Variants in PHLDB2 observed in about 807,000 individuals in gnomAD.
PHLDB2 encodes pleckstrin homology like domain family B member 2, also known as pleckstrin homology-like domain family B member 2.
PHLDB2 carries 71 observed loss-of-function variants against 123.6 expected under a neutral mutation model. The ratio of observed to expected loss-of-function variants is 0.57; its 90% confidence interval spans 0.47 to 0.70. PHLDB2 has a LOEUF of 0.70. Ranked by LOEUF, PHLDB2 falls within the 30% of genes least tolerant of loss-of-function variation. PHLDB2 has a pLI of 0.00. For missense variants in PHLDB2, 1,446 were observed against 1,519.5 expected, an observed-to-expected ratio of 0.95 and a Z score of 0.80; for synonymous variants, 547 against 541.6, an observed-to-expected ratio of 1.01 and a Z score of -0.14.
Position 111,951,451 on chromosome 3 carries a change from A to G in PHLDB2, c.2632-1121A>G, listed in dbSNP as rs993235948. Among the ~76,000 whole-genome samples, 3 of 152,226 alleles carry G rather than the reference A, an allele frequency of 2.0e-5. No homozygotes were observed. The South Asian group carries it at 6.2e-4, about 32-fold the overall frequency. On this transcript the variant is annotated intron_variant, in intron 10 of 17. Coordinates refer to ENST00000431670, the MANE Select transcript of PHLDB2 (RefSeq NM_001134438.2). ...TTATAAAGTTAAAATGCAGATTTTTATGATTGGCATATTTGAAGACTGTTT... is the reference window on the plus strand; with the variant it reads ...TTATAAAGTTAAAATGCAGATTTTTGTGATTGGCATATTTGAAGACTGTTT...
Position 111,884,133 on chromosome 3 carries a change from AG to A in PHLDB2, c.58del (p.Glu20LysfsTer15). ...KELDLQNGSL[E>X]EDSVVHSVEN... is the part of the protein sequence containing the mutation. ...CTAGATTTACAAAATGGTAGCTTAG[AG>A]GAAGACTCTGTGGTGCATTCTGTTG... On this transcript the variant is annotated frameshift_variant, in exon 2 of 18. Coordinates refer to ENST00000431670, the MANE Select transcript of PHLDB2 (RefSeq NM_001134438.2). LOFTEE classifies it high-confidence loss of function. The A allele has an allele frequency of 6.2e-7, 1 of 1,614,144 alleles. No individual in the cohort carries two copies. Among genetic ancestry groups the A allele is most frequent in the Non-Finnish European group, 8.5e-7 (1 of 1,179,970 alleles).
intron 1 of PHLDB2, among the ~76,000 whole-genome samples, chr3:111,873,117 G>A (rs927894148): frequency 3.3e-5 from 5 of 152,164 alleles, no homozygotes; most frequent in African/African-American, 1.2e-4. Flanking sequence ...ATGGTGCATG[G>A]CTGTTTCTAA....
At chr3:111,895,680 T>C (rs1334531249) in intron 2 of PHLDB2, among the ~76,000 whole-genome samples, 1 of 152,024 alleles carries the variant, frequency 6.6e-6, no homozygotes, top group East Asian at 1.9e-4. Flanking sequence ...AAACCTCGTC[T>C]CTACTAAAAA....
chr3:111,909,541 T>G (rs1047125418), intron 2 of PHLDB2, among the ~76,000 whole-genome samples: 1 of 152,144 alleles, frequency 6.6e-6, no homozygotes, highest in Non-Finnish European at 1.5e-5. Context: ...AGGCTTGCAG[T>G]GAGCTATGAG....
intron 1 of PHLDB2, among the ~76,000 whole-genome samples, chr3:111,866,407 G>C (rs1253027676): frequency 2.6e-5 from 4 of 152,174 alleles, no homozygotes; most frequent in Admixed American, 2.0e-4. Flanking sequence ...TTGTGAGCCT[G>C]TTTGTACCCT....
chr3:111,809,973 T>C (rs1348414994), intron 1 of PHLDB2, among the ~76,000 whole-genome samples: 1 of 152,210 alleles, frequency 6.6e-6, no homozygotes, highest in African/African-American at 2.4e-5. Context: ...ACTACAGGCA[T>C]GCATCACTGC....
In PHLDB2 at chr3:111,884,661, G is replaced by C; in HGVS notation, c.584G>C (p.Arg195Thr). 1.2e-6 allele frequency: 2 copies of C among 1,614,168 alleles called. No individual in the cohort carries two copies. The highest frequency in any genetic ancestry group is 1.7e-6 in the Non-Finnish European group (2 of 1,180,036). Residue 195 changes from arginine (R) to threonine (T), a missense_variant, in exon 2 of 18, where the codon AGA (arginine) becomes ACA (threonine). Physicochemically the swap from Arg to Thr is moderately conservative, Grantham distance 71 (BLOSUM62 -1). This residue lies in a region of PHLDB2 where 832 missense variants were observed against 831.9 expected (regional missense o/e 1.00). Coordinates refer to ENST00000431670, the MANE Select transcript of PHLDB2 (RefSeq NM_001134438.2). ...LSDAGPPPISRSGAASMPSSP... is the reference protein window; with the variant it reads ...LSDAGPPPISTSGAASMPSSP... ...GATGCTGGCCCGCCTCCTATCAGCA[G>C]ATCGGGAGCCGCAAGCATGCCTTCA...
chr3:111,883,263 A>C (rs576677914), intron 1 of PHLDB2, among the ~76,000 whole-genome samples: 1 of 152,212 alleles, frequency 6.6e-6, no homozygotes, highest in Admixed American at 6.5e-5. Flanking sequence ...TTTTCTTAAA[A>C]ATTTTAATGG....
At chr3:111,941,510 A>G (rs1357263774) in intron 8 of PHLDB2, among the ~76,000 whole-genome samples, 1 of 152,174 alleles carries the variant, frequency 6.6e-6, no homozygotes, top group African/African-American at 2.4e-5. Flanking sequence ...ATTTTAGGTT[A>G]AGAGGAAAGG....
At chr3:111,769,004 T>G (rs903491417) in intron 1 of PHLDB2, among the ~76,000 whole-genome samples, 10 of 152,236 alleles carry the variant, frequency 6.6e-5, no homozygotes, top group African/African-American at 2.4e-4. Flanking sequence ...ATGCCTTTAG[T>G]GAACTGCTGC....
chr3:111,821,412 T>C (rs948821333), intron 1 of PHLDB2, among the ~76,000 whole-genome samples: 1 of 152,196 alleles, frequency 6.6e-6, no homozygotes, highest in African/African-American at 2.4e-5. Context: ...TTGACTCACA[T>C]GATTATGGAG....
chr3:111,793,065 C>A (rs1490280809), intron 1 of PHLDB2, among the ~76,000 whole-genome samples: 1 of 152,206 alleles, frequency 6.6e-6, no homozygotes, highest in African/African-American at 2.4e-5. Context: ...AGCCCAAGGG[C>A]TCTACAGTCA....
chr3:111,802,016 T>C (rs990680860), intron 1 of PHLDB2, among the ~76,000 whole-genome samples: 26 of 152,352 alleles, frequency 1.7e-4, no homozygotes, highest in African/African-American at 6.0e-4. Context: ...TTATAGTATA[T>C]GAATTCTATC....
chr3:111,859,895 G>GT, intron 1 of PHLDB2: 1 of 985,740 alleles, frequency 1.0e-6, no homozygotes, highest in Non-Finnish European at 1.2e-6. Flanking sequence ...GGGCTCCGGG[G>GT]ACACAGAGTT....
At chr3:111,800,379 C>A (rs1484867908) in intron 1 of PHLDB2, among the ~76,000 whole-genome samples, 1 of 152,090 alleles carries the variant, frequency 6.6e-6, no homozygotes, top group East Asian at 1.9e-4. Flanking sequence ...TTATTTTATA[C>A]CCTCTGTGCC....
intron 2 of PHLDB2, among the ~76,000 whole-genome samples, chr3:111,852,842 G>T (rs1408564206): frequency 6.6e-6 from 1 of 151,966 alleles, no homozygotes; most frequent in African/African-American, 2.4e-5. Context: ...AAAGATTGGG[G>T]GTAGGGCAGA....
At chr3:111,894,559 C>T (rs2107395678) in intron 2 of PHLDB2, among the ~76,000 whole-genome samples, 1 of 151,928 alleles carries the variant, frequency 6.6e-6, no homozygotes, top group African/African-American at 2.4e-5. Flanking sequence ...TCTCCACATC[C>T]TCTCCAACAT....
rs2060249913 is a variant in PHLDB2, at chr3:111,775,339, C to T, written c.-49+42636C>T. Among the ~76,000 whole-genome samples the T allele has an allele frequency of 2.6e-5, 4 of 152,056 alleles. No individual in the cohort carries two copies. In the South Asian group the frequency reaches 6.2e-4, roughly 24 times the overall value. On this transcript the variant is annotated intron_variant, in intron 1 of 17. Coordinates refer to the PHLDB2 transcript ENST00000393923. ...ATTCAGTTGAGATTACTTCCCCCAC[C>T]GATTAAACAGATGAGTAGTCATGGA...
chr3:111,749,711 C>T lies in PHLDB2; in HGVS notation c.-49+17008C>T, dbSNP rs183272557. Reference sequence around the variant, plus strand: ...TGCCAGTAGTACTTTTTCATTTTCCCCCTTATAATTTTAATGGCCCAAATG... The same window carrying T: ...TGCCAGTAGTACTTTTTCATTTTCCTCCTTATAATTTTAATGGCCCAAATG... On this transcript the variant is annotated intron_variant, in intron 1 of 17. Coordinates refer to the PHLDB2 transcript ENST00000393923. Among the ~76,000 whole-genome samples the T allele has an allele frequency of 2.0e-5, 3 of 152,252 alleles. No individual in the cohort carries two copies. In the East Asian group the frequency reaches 5.8e-4, roughly 29 times the overall value.
Sources: gnomAD v4.1 joint callset for allele counts (sites outside exome capture counted in the v4.1 genomes callset) on GRCh38, gnomAD v4.1.1 for gene constraint, gnomAD v4.1.1 regional missense constraint, MANE v1.5 for transcripts, NCBI Gene and HGNC (gene_info 2026-07-23, HGNC 2026-07-21) for gene names.